CREBBP: variants seen among roughly 807,000 people sequenced by gnomAD.
CREBBP encodes the protein CREB-binding protein.
CREBBP carries 19 observed loss-of-function variants against 265.0 expected under a neutral mutation model. The observed-to-expected ratio is 0.07, with a 90% CI of 0.05 to 0.11. CREBBP has a LOEUF of 0.11. Among genes scored for constraint, CREBBP ranks in the 10% least tolerant of loss-of-function variants. CREBBP has a pLI of 1.00. For missense variants in CREBBP, 2,525 were observed against 3,219.0 expected, an observed-to-expected ratio of 0.78 and a Z score of 5.22; for synonymous variants, 1,457 against 1,223.7, an observed-to-expected ratio of 1.19 and a Z score of -3.98.
intron 22 of CREBBP, 148 bp downstream of exon 22, chr16:3,745,129 G>A (rs1381122976): frequency 1.2e-5 from 11 of 929,272 alleles, no homozygotes; most frequent in South Asian, 2.8e-5. Context: ...GCGGACAAAC[G>A]CTTAGAACTT....
chr16:3,806,537 G>T (rs1413850756), intron 3 of CREBBP, among the ~76,000 whole-genome samples: 2 of 151,764 alleles, frequency 1.3e-5, no homozygotes, highest in Admixed American at 1.3e-4. Context: ...TGAAGATGAG[G>T]CCCCTCTGGT....
chr16:3,836,364 G>A (rs2054450223), intron 2 of CREBBP, among the ~76,000 whole-genome samples: 4 of 151,288 alleles, frequency 2.6e-5, no homozygotes. Context: ...AACCCATGAG[G>A]TGGAGGTTGC....
At chr16:3,756,752 A>G (rs1204576580) in intron 19 of CREBBP, among the ~76,000 whole-genome samples, 1 of 152,196 alleles carries the variant, frequency 6.6e-6, no homozygotes, top group Non-Finnish European at 1.5e-5. Context: ...TACCAGGCAA[A>G]TATTTGCAGG....
Position 3,770,787 on chromosome 16 carries a change from G to A in CREBBP, c.2663C>T (p.Pro888Leu), listed in dbSNP as rs753048905. Residue 888 changes from proline to leucine, a missense_variant, in exon 14 of 31, where the codon CCA (proline) becomes CTA (leucine). Around this residue, in one of 19 missense-constraint regions of CREBBP, gnomAD observed 548 missense variants for 533.0 expected, o/e 1.03. Transcript: ENST00000262367. Reference protein sequence around the residue: ...TPPQPAAPTQPSTPVSSSGQT... With the variant: ...TPPQPAAPTQLSTPVSSSGQT... Reference sequence around the variant, plus strand: ...CCCGGAAGACGACACAGGAGTTGATGGCTGAGTGGGAGCTGCTGGCTGGGG... The same window carrying A: ...CCCGGAAGACGACACAGGAGTTGATAGCTGAGTGGGAGCTGCTGGCTGGGG... The A allele has an allele frequency of 3.7e-6, 6 of 1,614,118 alleles. No individual in the cohort carries two copies. The Admixed American group carries it at 8.3e-5, about 22-fold the overall frequency.
At chr16:3,820,725 C>T (rs1350473255) in intron 2 of CREBBP, among the ~76,000 whole-genome samples, 3 of 152,102 alleles carry the variant, frequency 2.0e-5, no homozygotes, top group South Asian at 2.1e-4. Flanking sequence ...CCAGGTGTGA[C>T]GGCGTGTGCT....
Position 3,852,035 on chromosome 16 carries a change from C to CAAAAAAAAAAAA in CREBBP, c.86-1038_86-1027dup, listed in dbSNP as rs551018184. 2.7e-4 allele frequency among the ~76,000 whole-genome samples: 3 copies of CAAAAAAAAAAAA among 11,200 alleles called. 1 individual carries two copies. The highest frequency in any genetic ancestry group is 5.4e-4 in the African/African-American group (2 of 3,694). 7.3% of individuals were successfully genotyped at this position (11,200 alleles called of 152,430 possible). A position where few individuals can be genotyped will look rare whatever the true frequency, so the allele number is the denominator to read the frequency against. On this transcript the variant is annotated intron_variant, in intron 1 of 30. Transcript: ENST00000262367. The stretch of plus-strand genomic sequence containing the variant: ...CCTGGGCAACAGCGAGACTCCATCT[C>CAAAAAAAAAAAA]AAAAAAAAAAAAAAAAAAAAAAAAA...
At chr16:3,779,440 C>G (rs1044798840) in intron 8 of CREBBP, among the ~76,000 whole-genome samples, 4 of 152,202 alleles carry the variant, frequency 2.6e-5, no homozygotes, top group African/African-American at 9.6e-5. Flanking sequence ...TCCCAAAGCA[C>G]TGGAATTACA....
chr16:3,870,657 A>G (rs1256406493), intron 1 of CREBBP, among the ~76,000 whole-genome samples: 1 of 152,224 alleles, frequency 6.6e-6, no homozygotes, highest in Non-Finnish European at 1.5e-5. Context: ...ACTGAAAGCC[A>G]AACAGGCAGG....
At chr16:3,765,166 C>T (rs1040423460) in intron 16 of CREBBP, among the ~76,000 whole-genome samples, 5 of 152,110 alleles carry the variant, frequency 3.3e-5, no homozygotes, top group Admixed American at 1.3e-4. Context: ...TTAGTAGAGA[C>T]GGGGTTTCAC....
At chr16:3,742,224 G>C (rs1289899707) in intron 23 of CREBBP, 1 of 152,254 alleles carries the variant, frequency 6.6e-6, no homozygotes, top group Non-Finnish European at 1.5e-5. Context: ...ACAGCACAGG[G>C]GTCTAGGCGC....
intron 1 of CREBBP, among the ~76,000 whole-genome samples, chr16:3,874,762 C>T (rs2055366082): frequency 6.6e-6 from 1 of 152,222 alleles, no homozygotes; most frequent in South Asian, 2.1e-4. Context: ...CTACAAGCAA[C>T]AGCATCTGAG....
chr16:3,879,499 C>T (rs1373434461), intron 1 of CREBBP, among the ~76,000 whole-genome samples: 2 of 152,216 alleles, frequency 1.3e-5, no homozygotes, highest in Non-Finnish European at 2.9e-5. Context: ...CGCGTGTGGA[C>T]ACGGCCGCGG....
At chr16:3,865,062 A>C (rs1225761740) in intron 1 of CREBBP, among the ~76,000 whole-genome samples, 1 of 152,246 alleles carries the variant, frequency 6.6e-6, no homozygotes, top group Non-Finnish European at 1.5e-5. Context: ...CTGTCTCAAA[A>C]AAAAAAAGAA....
intron 1 of CREBBP, among the ~76,000 whole-genome samples, chr16:3,864,113 G>T (rs529942080): frequency 6.6e-6 from 1 of 152,290 alleles, no homozygotes; most frequent in East Asian, 1.9e-4. Flanking sequence ...CAGATTCCCA[G>T]CCACCTCAGA....
rs1304752933 is a variant in CREBBP, at chr16:3,820,950, AC to A, written c.799-10172del. 9.9e-5 allele frequency among the ~76,000 whole-genome samples: 15 copies of A among 152,262 alleles called. No homozygotes were observed. The South Asian group carries it at 3.1e-3, about 32-fold the overall frequency. On this transcript the variant is annotated intron_variant, in intron 2 of 30. Transcript: ENST00000262367. ...CTAGCAGTGAAACCGGCACCCTAAT[AC>A]TATTGGTACACCTTGGCAGGTCCCT...
chr16:3,793,250 C>T, intron 4 of CREBBP, 136 bp downstream of exon 4: 1 of 1,203,262 alleles, frequency 8.3e-7, no homozygotes, highest in Non-Finnish European at 1.2e-6. Flanking sequence ...AACGTGAGCG[C>T]AACATGTCTT....
At chr16:3,843,953 C>T (rs1483093056) in intron 2 of CREBBP, among the ~76,000 whole-genome samples, 1 of 150,992 alleles carries the variant, frequency 6.6e-6, no homozygotes, top group East Asian at 2.0e-4. Flanking sequence ...TCGAGACCAT[C>T]CCGGCTAAAA....
At chr16:3,849,440 T>C (rs2054760690) in intron 2 of CREBBP, among the ~76,000 whole-genome samples, 4 of 14,864 alleles carry the variant, frequency 2.7e-4, no homozygotes, top group African/African-American at 4.1e-4. Context: ...TGTGTGTGTG[T>C]GTGTGTGTGT....
chr16:3,863,672 C>A (rs2055121614), intron 1 of CREBBP, among the ~76,000 whole-genome samples: 1 of 152,202 alleles, frequency 6.6e-6, no homozygotes, highest in Middle Eastern at 3.2e-3. Context: ...GGACCCTAAA[C>A]TGTCCTGGAA....
Sources: gnomAD v4.1 joint callset for allele counts (sites outside exome capture counted in the v4.1 genomes callset) on GRCh38, gnomAD v4.1.1 for gene constraint, gnomAD v4.1.1 regional missense constraint, MANE v1.5 for transcripts, NCBI Gene and HGNC (gene_info 2026-07-23, HGNC 2026-07-21) for gene names.